UGT1A4: variants seen among roughly 807,000 people sequenced by gnomAD.
The protein encoded by UGT1A4 is UDP-glucuronosyltransferase 1A4.
UGT1A4 carries 32 observed loss-of-function variants against 41.1 expected under a neutral mutation model. The observed-to-expected ratio is 0.78, with a 90% CI of 0.59 to 1.05. The LOEUF is 1.05. Ranked by LOEUF, UGT1A4 falls within the 50% of genes least tolerant of loss-of-function variation. UGT1A4 has a pLI of 0.00. For synonymous variants in UGT1A4, 283 were observed against 265.1 expected (o/e 1.07, Z -0.66); for missense variants, 748 against 677.4 (o/e 1.10, Z -1.16).
chr2:233,755,963 C>T (rs557149138), intron 1 of UGT1A4: 1 of 152,200 alleles, frequency 6.6e-6, no homozygotes, highest in South Asian at 2.1e-4. Flanking sequence ...GTACTTGGCT[C>T]TATAGAGAGG....
chr2:233,757,077 A>G (rs1321535856), intron 1 of UGT1A4, among the ~76,000 whole-genome samples: 2 of 151,308 alleles, frequency 1.3e-5, no homozygotes, highest in Non-Finnish European at 2.9e-5. Context: ...CAGAATGGCT[A>G]GAGGGTAAGA....
At chr2:233,761,722 G>C (rs1220395060) in intron 1 of UGT1A4, among the ~76,000 whole-genome samples, 1 of 152,224 alleles carries the variant, frequency 6.6e-6, no homozygotes, top group African/African-American at 2.4e-5. Context: ...CAAGCTATTA[G>C]GTTTATTTTT....
intron 1 of UGT1A4, among the ~76,000 whole-genome samples, chr2:233,751,848 C>G (rs1317042286): frequency 6.6e-6 from 1 of 152,136 alleles, no homozygotes. Context: ...GTCATTTAAA[C>G]CTTTGTCTTT....
chr2:233,718,985 C>A lies in UGT1A4; in HGVS notation c.165C>A (p.Gly55=), dbSNP rs45571233. Residue 55 remains glycine, a synonymous_variant, in exon 1 of 5, where the codon GGC becomes GGA. Transcript: ENST00000373409. ...REALRELHAR[G]HQAVVLTPEV... ...CCTTGCGGGAGCTCCATGCCAGAGG[C>A]CACCAGGCGGTGGTCCTCACCCCAG... The A allele has an allele frequency of 6.2e-7, 1 of 1,614,224 alleles. No individual in the cohort carries two copies. Among genetic ancestry groups the A allele is most frequent in the Non-Finnish European group, 8.5e-7 (1 of 1,180,044 alleles).
chr2:233,748,080 G>T, intron 1 of UGT1A4: 3 of 1,613,126 alleles, frequency 1.9e-6, no homozygotes, highest in South Asian at 2.2e-5. Flanking sequence ...ACTATCTCAG[G>T]TCGGTGTTCG....
At chr2:233,747,843 G>T in intron 1 of UGT1A4, 1 of 1,613,470 alleles carries the variant, frequency 6.2e-7, no homozygotes, top group Admixed American at 1.7e-5. Flanking sequence ...CCTGCAAAGG[G>T]TCAAGAACAT....
chr2:233,732,686 C>T (rs1472057155), intron 1 of UGT1A4, among the ~76,000 whole-genome samples: 1 of 151,722 alleles, frequency 6.6e-6, no homozygotes, highest in African/African-American at 2.4e-5. Flanking sequence ...GGTACCAGCA[C>T]CCATGCTGTT....
chr2:233,756,775 T>G (rs1301399091), intron 1 of UGT1A4, among the ~76,000 whole-genome samples: 1 of 152,128 alleles, frequency 6.6e-6, no homozygotes, highest in Admixed American at 6.5e-5. Context: ...TTCTTTGCTT[T>G]GATAAATTGT....
intron 1 of UGT1A4, chr2:233,761,233 T>C: frequency 6.2e-7 from 1 of 1,613,114 alleles, no homozygotes; most frequent in Non-Finnish European, 8.5e-7. Context: ...CCCAGATATA[T>C]GCTGAGCAAG....
chr2:233,745,864 C>G (rs1478966611), intron 1 of UGT1A4, among the ~76,000 whole-genome samples: 1 of 151,232 alleles, frequency 6.6e-6, no homozygotes, highest in Non-Finnish European at 1.5e-5. Flanking sequence ...AGCTGCTGAC[C>G]AAGGTTCCAG....
chr2:233,755,200 G>A (rs1575733621), intron 1 of UGT1A4: 14 of 1,105,580 alleles, frequency 1.3e-5, no homozygotes, highest in South Asian at 8.5e-5. Flanking sequence ...GCCAGCTTGC[G>A]GTACGCCTTC....
chr2:233,748,602 G>C (rs1484667450), intron 1 of UGT1A4, among the ~76,000 whole-genome samples: 1 of 151,816 alleles, frequency 6.6e-6, no homozygotes, highest in Non-Finnish European at 1.5e-5. Flanking sequence ...AGTGGAAGTA[G>C]AGCAACGAAC....
chr2:233,764,644 T>C (rs1207415683), intron 1 of UGT1A4, among the ~76,000 whole-genome samples: 1 of 151,998 alleles, frequency 6.6e-6, no homozygotes, highest in African/African-American at 2.4e-5. Context: ...CTAGGAAATT[T>C]AAGTAAGCCA....
At chr2:233,728,809 T>G (rs2077752579) in intron 1 of UGT1A4, among the ~76,000 whole-genome samples, 1 of 152,110 alleles carries the variant, frequency 6.6e-6, no homozygotes, top group African/African-American at 2.4e-5. Flanking sequence ...TAGGAGACAG[T>G]GACATGAAAT....
intron 1 of UGT1A4, among the ~76,000 whole-genome samples, chr2:233,752,117 A>T (rs910162092): frequency 3.9e-5 from 6 of 152,242 alleles, no homozygotes. Context: ...GAGGAGAAGA[A>T]GATGATGGAC....
At chr2:233,747,450 T>G in intron 1 of UGT1A4, 1 of 1,609,050 alleles carries the variant, frequency 6.2e-7, no homozygotes, top group South Asian at 1.1e-5. Context: ...CCTGACAACC[T>G]ATGCCATTTC....
At chr2:233,730,198 G>T (rs544900257) in intron 1 of UGT1A4, among the ~76,000 whole-genome samples, 1 of 152,188 alleles carries the variant, frequency 6.6e-6, no homozygotes, top group Non-Finnish European at 1.5e-5. Context: ...CTGAGAGGAA[G>T]AGGAAGTAGA....
intron 1 of UGT1A4, among the ~76,000 whole-genome samples, chr2:233,741,294 T>C (rs954332893): frequency 1.3e-5 from 2 of 151,798 alleles, no homozygotes; most frequent in African/African-American, 4.9e-5. Context: ...ATGTACCCAA[T>C]TGTGTAGATA....
At chr2:233,737,057 G>A (rs1365217094) in intron 1 of UGT1A4, among the ~76,000 whole-genome samples, 2 of 152,190 alleles carry the variant, frequency 1.3e-5, no homozygotes, top group African/African-American at 2.4e-5. Context: ...CTAGGAGAAC[G>A]AGTGCTCTCT....
Sources: allele counts gnomAD v4.1 joint callset (sites outside exome capture counted in the v4.1 genomes callset), GRCh38; gene constraint gnomAD v4.1.1; transcripts MANE v1.5; gene names NCBI Gene and HGNC (gene_info 2026-07-23, HGNC 2026-07-21).